The following PCDHA10 variants were observed in gnomAD, a reference collection of about 807,000 sequenced individuals.
The protein encoded by PCDHA10 is protocadherin alpha-10.
Under a neutral mutation model 61.2 loss-of-function variants are expected in PCDHA10, and 45 were observed. That is an observed-to-expected ratio of 0.74 (90% CI 0.58 to 0.94). The LOEUF is 0.94. PCDHA10 is among the 40% of genes least tolerant of loss of function. The pLI is 0.00. For missense variants in PCDHA10, 1,278 were observed against 1,236.2 expected (o/e 1.03, Z -0.51); for synonymous variants, 602 against 548.8 (o/e 1.10, Z -1.35).
intron 1 of PCDHA10, among the ~76,000 whole-genome samples, chr5:140,944,929 CT>C (rs2093712661): frequency 6.6e-6 from 1 of 152,052 alleles, no homozygotes; most frequent in Admixed American, 6.6e-5. Context: ...TGGTTTATGC[CT>C]TCTTTAGATG....
At chr5:140,894,256 A>G (rs1554186008) in intron 1 of PCDHA10, among the ~76,000 whole-genome samples, 1 of 152,010 alleles carries the variant, frequency 6.6e-6, no homozygotes, top group African/African-American at 2.4e-5. Context: ...TTTTCTTTAC[A>G]AGTGGTAGCT....
chr5:140,938,979 C>T (rs1485638673), intron 1 of PCDHA10, among the ~76,000 whole-genome samples: 2 of 152,158 alleles, frequency 1.3e-5, no homozygotes, highest in Non-Finnish European at 2.9e-5. Flanking sequence ...TCAAGGCTAT[C>T]CTGGCTTTAT....
At chr5:140,860,697 ATTG>A (rs1191589465) in intron 1 of PCDHA10, 2 of 152,170 alleles carry the variant, frequency 1.3e-5, no homozygotes, top group African/African-American at 4.8e-5. Context: ...GCGACAGGAT[ATTG>A]TTGTTCTCCA....
intron 1 of PCDHA10, among the ~76,000 whole-genome samples, chr5:140,946,634 A>ATATATATATAT (rs1554217761): frequency 2.7e-5 from 4 of 147,312 alleles, no homozygotes; most frequent in African/African-American, 7.7e-5. Context: ...ATATATATAC[A>ATATATATATAT]ATGGAATACT....
intron 1 of PCDHA10, chr5:140,868,990 G>T: frequency 6.6e-7 from 1 of 1,511,604 alleles, no homozygotes; most frequent in Non-Finnish European, 8.8e-7. Flanking sequence ...GGATGCCACC[G>T]TTTAAGGATC....
intron 1 of PCDHA10, among the ~76,000 whole-genome samples, chr5:140,924,932 AAAAT>A (rs2082199458): frequency 7.6e-6 from 1 of 131,842 alleles, no homozygotes; most frequent in East Asian, 2.6e-4. Flanking sequence ...AAAATAAAAT[AAAAT>A]AAAAAGTTAA....
intron 3 of PCDHA10, among the ~76,000 whole-genome samples, chr5:141,007,992 C>T (rs1215200964): frequency 1.3e-5 from 2 of 152,132 alleles, no homozygotes; most frequent in Admixed American, 6.5e-5. Context: ...ATGAAATGTA[C>T]ATGTTAATAA....
chr5:140,943,450 T>C (rs2093496924), intron 1 of PCDHA10, among the ~76,000 whole-genome samples: 1 of 152,012 alleles, frequency 6.6e-6, no homozygotes, highest in Non-Finnish European at 1.5e-5. Context: ...ATAGAATTGA[T>C]AAGGCTAAAT....
At position 140,982,579 on chromosome 5, in the gene PCDHA10, C is replaced by G. The variant is rs781915481; in HGVS notation, c.2536+16C>G. 7 of 1,612,084 alleles carry G rather than the reference C, an allele frequency of 4.3e-6. No individual in the cohort carries two copies. In the Admixed American group the frequency reaches 1.2e-4, roughly 27 times the overall value. On this transcript the variant is annotated intron_variant, in intron 3 of 3. Coordinates refer to ENST00000307360, the MANE Select transcript of PCDHA10 (RefSeq NM_018901.4). ...GCAACACCAGGTAAAGAGCTGGGGT[C>G]TCTCCATTCTTTCTTGGTTTCTGGA...
chr5:140,903,402 G>T (rs1293264385), intron 1 of PCDHA10, among the ~76,000 whole-genome samples: 6 of 152,192 alleles, frequency 3.9e-5, no homozygotes, highest in Non-Finnish European at 5.9e-5. Context: ...AAACAGTAGT[G>T]CAGTCAGGAA....
chr5:140,938,207 A>G (rs782001361), intron 1 of PCDHA10, among the ~76,000 whole-genome samples: 6 of 152,112 alleles, frequency 3.9e-5, no homozygotes, highest in Non-Finnish European at 8.8e-5. Flanking sequence ...CAGCCTCCCA[A>G]AGTGCTGGGA....
chr5:140,886,458 T>G (rs888629917), intron 1 of PCDHA10, among the ~76,000 whole-genome samples: 1 of 152,174 alleles, frequency 6.6e-6, no homozygotes, highest in Non-Finnish European at 1.5e-5. Flanking sequence ...TTGTCATATA[T>G]AAATGTTTTT....
intron 1 of PCDHA10, among the ~76,000 whole-genome samples, chr5:140,936,136 G>A (rs1393112473): frequency 2.0e-5 from 3 of 152,184 alleles, no homozygotes; most frequent in Admixed American, 1.3e-4. Context: ...TAAGTGATCT[G>A]CCCGCCTTGG....
chr5:140,954,405 G>T (rs246023), intron 1 of PCDHA10, among the ~76,000 whole-genome samples: 85,299 of 151,648 alleles, frequency 0.56, 24,568 homozygotes, highest in African/African-American at 0.69. Context: ...CCACCAACAG[G>T]GTAAAGGTGT....
intron 3 of PCDHA10, among the ~76,000 whole-genome samples, chr5:141,004,253 C>G (rs1460798910): frequency 6.6e-6 from 1 of 152,200 alleles, no homozygotes; most frequent in Non-Finnish European, 1.5e-5. Flanking sequence ...TTTTGTTTTA[C>G]TGGAATGAGT....
chr5:140,889,205 A>G (rs573455914), intron 1 of PCDHA10, among the ~76,000 whole-genome samples: 1 of 151,946 alleles, frequency 6.6e-6, no homozygotes, highest in East Asian at 2.0e-4. Context: ...TGAATACTTA[A>G]CAAAGAAGAA....
intron 1 of PCDHA10, among the ~76,000 whole-genome samples, chr5:140,933,480 G>A (rs1255769578): frequency 6.6e-6 from 1 of 151,846 alleles, no homozygotes; most frequent in East Asian, 1.9e-4. Context: ...ACACATTATG[G>A]TTATTCTTTA....
At chr5:140,968,569 C>A in intron 1 of PCDHA10, 1 of 1,614,204 alleles carries the variant, frequency 6.2e-7, no homozygotes, top group Middle Eastern at 1.7e-4. Flanking sequence ...CCCCTGCTGG[C>A]TACCTGGTCA....
In PCDHA10 at chr5:141,005,701, CAAAAAAAA is replaced by C. The variant is rs59860837; in HGVS notation, c.2537-3903_2537-3896del. Among the ~76,000 whole-genome samples, 45 of 7,788 alleles carry C rather than the reference CAAAAAAAA, an allele frequency of 5.8e-3. No individual in the cohort carries two copies. In the East Asian group the frequency reaches 0.064, roughly 11 times the overall value. 5.1% of individuals were successfully genotyped at this position (7,788 alleles called of 152,430 possible). A position where few individuals can be genotyped will look rare whatever the true frequency, so the allele number is the denominator to read the frequency against. On this transcript the variant is annotated intron_variant, in intron 3 of 3. Coordinates refer to ENST00000307360, the MANE Select transcript of PCDHA10 (RefSeq NM_018901.4). ...TGGGCGACAGAGCGAAACTCCGTCT[CAAAAAAAA>C]AAAAAAAAAAAAAAAAAAAAAAGAA...
Sources: gnomAD v4.1 joint callset for allele counts (sites outside exome capture counted in the v4.1 genomes callset) on GRCh38, gnomAD v4.1.1 for gene constraint, MANE v1.5 for transcripts, NCBI Gene and HGNC (gene_info 2026-07-23, HGNC 2026-07-21) for gene names.